The following SLIT2 variants were observed in gnomAD, a reference collection of about 807,000 sequenced individuals.
The protein encoded by SLIT2 is slit guidance ligand 2, also known as slit homolog 2 protein.
SLIT2 carries 41 observed loss-of-function variants against 185.7 expected under a neutral mutation model. That is an observed-to-expected ratio of 0.22 (90% CI 0.17 to 0.29). The LOEUF (loss-of-function observed/expected upper bound fraction) is 0.29, where lower values mean the gene tolerates loss of function less well. Among genes scored for constraint, SLIT2 ranks in the 10% least tolerant of loss-of-function variants. SLIT2 has a pLI of 1.00. For missense variants in SLIT2, 1,571 were observed against 1,909.0 expected (o/e 0.82, Z 3.30); for synonymous variants, 693 against 680.2 (o/e 1.02, Z -0.29).
At chr4:20,295,239 T>A (rs935359263) in intron 4 of SLIT2, among the ~76,000 whole-genome samples, 2 of 152,200 alleles carry the variant, frequency 1.3e-5, no homozygotes, top group Non-Finnish European at 2.9e-5. Flanking sequence ...TAAAATAGAT[T>A]AACTGGAATT....
At chr4:20,438,490 C>T (rs1050435665) in intron 4 of SLIT2, among the ~76,000 whole-genome samples, 3 of 152,108 alleles carry the variant, frequency 2.0e-5, no homozygotes, top group African/African-American at 7.2e-5. Flanking sequence ...ACAGGAAAGA[C>T]CCACTCCCAT....
chr4:20,277,288 T>A, intron 4 of SLIT2, among the ~76,000 whole-genome samples: 1 of 152,120 alleles, frequency 6.6e-6, no homozygotes. Context: ...TCATTGAGAA[T>A]TTTTTTGTAA....
intron 4 of SLIT2, among the ~76,000 whole-genome samples, chr4:20,371,522 T>C (rs1723573000): frequency 1.3e-5 from 2 of 152,152 alleles, no homozygotes; most frequent in African/African-American, 4.8e-5. Context: ...GGGGCCGCTC[T>C]GCTCTCCACT....
chr4:20,586,694 A>C (rs928427098), intron 29 of SLIT2, among the ~76,000 whole-genome samples: 1 of 152,244 alleles, frequency 6.6e-6, no homozygotes, highest in Non-Finnish European at 1.5e-5. Flanking sequence ...TACCATGTAT[A>C]TGTCATAAGA....
At chr4:20,413,795 G>A (rs549374272) in intron 4 of SLIT2, among the ~76,000 whole-genome samples, 1 of 151,916 alleles carries the variant, frequency 6.6e-6, no homozygotes, top group East Asian at 1.9e-4. Context: ...ATCTATTTGT[G>A]TTTTTGAATT....
rs1370263002 is a variant in SLIT2, at chr4:20,253,846, C to T, written c.31C>T (p.Leu11=). Residue 11 remains leucine (L), a synonymous_variant, in exon 1 of 37, where the codon CTG becomes TTG. Transcript: ENST00000504154. MRGVGWQMLS[L]SLGLVLAILN... is the part of the protein sequence containing the mutation. ...CGGCGTTGGCTGGCAGATGCTGTCC[C>T]TGTCGCTGGGGTTAGTGCTGGCGAT... 1.9e-6 allele frequency: 3 copies of T among 1,600,058 alleles called. No homozygotes were observed. The highest frequency in any genetic ancestry group is 2.2e-5 in the East Asian group (1 of 44,866).
chr4:20,318,241 C>G (rs149269832), intron 4 of SLIT2, among the ~76,000 whole-genome samples: 1 of 152,160 alleles, frequency 6.6e-6, no homozygotes, highest in Non-Finnish European at 1.5e-5. Flanking sequence ...AAACAATCAT[C>G]GGCCTCTGCC....
At chr4:20,423,021 ATGCTTTCT>A (rs1385033262) in intron 4 of SLIT2, among the ~76,000 whole-genome samples, 38 of 151,980 alleles carry the variant, frequency 2.5e-4, no homozygotes, top group Admixed American at 2.5e-3. Context: ...AAGTTTTTTA[ATGCTTTCT>A]ATGACATCGC....
chr4:20,415,497 A>C (rs1359984763), intron 4 of SLIT2, among the ~76,000 whole-genome samples: 2 of 152,022 alleles, frequency 1.3e-5, no homozygotes, highest in African/African-American at 4.8e-5. Context: ...TAATGTTAAA[A>C]TGTGTCGTTA....
chr4:20,450,340 G>A (rs1291372983), intron 4 of SLIT2, among the ~76,000 whole-genome samples: 1 of 151,932 alleles, frequency 6.6e-6, no homozygotes, highest in Non-Finnish European at 1.5e-5. Context: ...TTTTTTTATT[G>A]GGACATTAAA....
intron 4 of SLIT2, among the ~76,000 whole-genome samples, chr4:20,324,350 T>TTGTATTGGTGAGGTGCTGA (rs879851777): frequency 0.034 from 4,985 of 148,658 alleles, 276 homozygotes; most frequent in African/African-American, 0.095. Context: ...GGTGCTGATG[T>TTGTATTGGTGAGGTGCTGA]TGTATTGGTG....
chr4:20,568,669 G>A (rs1313018554), intron 28 of SLIT2, among the ~76,000 whole-genome samples, 196 bp from the exon 29 acceptor site: 1 of 151,904 alleles, frequency 6.6e-6, no homozygotes, highest in Non-Finnish European at 1.5e-5. Context: ...ATTTTTTGAA[G>A]GGTTTCTGCT....
chr4:20,540,018 G>T (rs550492950), intron 19 of SLIT2, among the ~76,000 whole-genome samples: 12 of 150,996 alleles, frequency 7.9e-5, no homozygotes, highest in Middle Eastern at 3.4e-3. Flanking sequence ...AGTGGCTCAC[G>T]TCTGTAATTC....
At chr4:20,551,204 A>G (rs1395708803) in intron 25 of SLIT2, among the ~76,000 whole-genome samples, 1 of 152,206 alleles carries the variant, frequency 6.6e-6, no homozygotes, top group Non-Finnish European at 1.5e-5. Context: ...TGATTCTAGA[A>G]CATCAGCTCC....
chr4:20,492,140 G>T (rs919635037), intron 9 of SLIT2, among the ~76,000 whole-genome samples: 4 of 152,054 alleles, frequency 2.6e-5, no homozygotes, highest in Admixed American at 6.6e-5. Context: ...GAAAAACAAG[G>T]CAAACAGGAT....
At chr4:20,334,769 C>T (rs1321631076) in intron 4 of SLIT2, among the ~76,000 whole-genome samples, 1 of 152,104 alleles carries the variant, frequency 6.6e-6, no homozygotes, top group African/African-American at 2.4e-5. Context: ...ATCCTTGTTA[C>T]ACTTATTACT....
chr4:20,551,106 C>T (rs577007483), intron 25 of SLIT2, among the ~76,000 whole-genome samples: 1 of 152,274 alleles, frequency 6.6e-6, no homozygotes, highest in African/African-American at 2.4e-5. Flanking sequence ...TTCCAGTAGT[C>T]GAATTATCTT....
intron 5 of SLIT2, among the ~76,000 whole-genome samples, chr4:20,478,265 A>G (rs546367268): frequency 6.6e-6 from 1 of 152,298 alleles, no homozygotes; most frequent in East Asian, 1.9e-4. Flanking sequence ...TTCAGGAAAT[A>G]TGTGGACTCA....
intron 4 of SLIT2, among the ~76,000 whole-genome samples, chr4:20,410,243 C>CTTTTTTTTTTTTT (rs1160985126): frequency 2.6e-4 from 18 of 69,054 alleles, no homozygotes; most frequent in East Asian, 4.3e-4. Flanking sequence ...TCTTTCTTTT[C>CTTTTTTTTTTTTT]TTTTTTTTTT....
Sources: gnomAD v4.1 joint callset for allele counts (sites outside exome capture counted in the v4.1 genomes callset) on GRCh38, gnomAD v4.1.1 for gene constraint, MANE v1.5 for transcripts, NCBI Gene and HGNC (gene_info 2026-07-23, HGNC 2026-07-21) for gene names.